Variants in CCDC149 observed in about 807,000 individuals in gnomAD.
CCDC149 encodes the protein coiled-coil domain containing 149.
In CCDC149, 45 loss-of-function variants were observed where a neutral mutation model predicts 59.9. The ratio of observed to expected loss-of-function variants is 0.75; its 90% CI spans 0.59 to 0.96. The LOEUF (loss-of-function observed/expected upper bound fraction) is 0.96. Among genes scored for constraint, CCDC149 ranks in the 40% least tolerant of loss-of-function variants. The pLI, the probability that CCDC149 is intolerant of heterozygous loss-of-function variation, is 0.00. For missense variants in CCDC149, 584 were observed against 664.7 expected (o/e 0.88, Z 1.33); for synonymous variants, 245 against 260.6 (o/e 0.94, Z 0.58).
chr4:24,823,902 T>G (rs1715562510), intron 9 of CCDC149, among the ~76,000 whole-genome samples: 1 of 152,244 alleles, frequency 6.6e-6, no homozygotes, highest in South Asian at 2.1e-4. Flanking sequence ...TCTCTTTTGC[T>G]TTCATGTCCC....
chr4:24,836,010 A>G (rs1431794886), intron 7 of CCDC149, among the ~76,000 whole-genome samples: 1 of 152,220 alleles, frequency 6.6e-6, no homozygotes, highest in Non-Finnish European at 1.5e-5. Context: ...TGCCTTCCCA[A>G]TCTTTGTTTC....
intron 1 of CCDC149, among the ~76,000 whole-genome samples, chr4:24,952,224 A>C (rs988503349): frequency 6.6e-6 from 1 of 152,130 alleles, no homozygotes; most frequent in Non-Finnish European, 1.5e-5. Context: ...TTGTTTATAC[A>C]TATGTGTATT....
intron 11 of CCDC149, among the ~76,000 whole-genome samples, chr4:24,820,579 A>G (rs1715329565): frequency 6.6e-6 from 1 of 152,234 alleles, no homozygotes; most frequent in Admixed American, 6.5e-5. Flanking sequence ...TTCACCATTC[A>G]GTAGTTTAAA....
chr4:24,829,993 G>C (rs1045201138), intron 9 of CCDC149: 1 of 152,952 alleles, frequency 6.5e-6, no homozygotes, highest in African/African-American at 2.4e-5. Flanking sequence ...TGAAGAGGGT[G>C]AGACAGGAGG....
At chr4:24,881,149 G>T (rs1263405988) in intron 1 of CCDC149, among the ~76,000 whole-genome samples, 2 of 152,162 alleles carry the variant, frequency 1.3e-5, no homozygotes, top group African/African-American at 4.8e-5. Context: ...CAGGGTGCTG[G>T]GACTGAAGCT....
At chr4:24,953,476 C>T (rs4411976) in intron 1 of CCDC149, among the ~76,000 whole-genome samples, 78,645 of 152,052 alleles carry the variant, frequency 0.52, 22,725 homozygotes, top group Non-Finnish European at 0.66. Context: ...AAAGTGACTG[C>T]GCATAGCCAG....
At chr4:24,887,807 TA>T (rs35092333) in intron 1 of CCDC149, among the ~76,000 whole-genome samples, 15,727 of 147,502 alleles carry the variant, frequency 0.11, 1,110 homozygotes, top group African/African-American at 0.2. Context: ...CACTCTTCTT[TA>T]AAAAAAAAAA....
In CCDC149 at chr4:24,822,504, A is replaced by C; in HGVS notation, c.1035T>G (p.Ser345Arg). The change falls in exon 10 of 13, where the codon AGT becomes AGG. Residue 345 changes from serine (S) to arginine (R), a missense_variant. Physicochemically the swap from Ser to Arg is moderately radical, Grantham distance 110. Transcript: ENST00000635206. ...TCATGAGGTTCTGTTTACCTGGAAG[A>C]CTCCACAAACCAGAAACTTCCAGAG... 6.6e-7 allele frequency: 1 copy of C among 1,524,686 alleles called. No individual in the cohort carries two copies. 94.4% of individuals were successfully genotyped at this position (1,524,686 alleles called of 1,614,324 possible).
chr4:24,873,650 A>T, intron 3 of CCDC149, 31 bp downstream of exon 3: 2 of 1,501,170 alleles, frequency 1.3e-6, no homozygotes, highest in Non-Finnish European at 1.9e-6. Flanking sequence ...AGGTATCAAT[A>T]AAAAAATCTG....
At chr4:24,943,631 C>T (rs1723015139) in intron 1 of CCDC149, among the ~76,000 whole-genome samples, 1 of 152,134 alleles carries the variant, frequency 6.6e-6, no homozygotes, top group East Asian at 1.9e-4. Context: ...GAACAGGCAA[C>T]CTACAGAATG....
intron 1 of CCDC149, among the ~76,000 whole-genome samples, chr4:24,955,997 G>C (rs1723453482): frequency 6.6e-6 from 1 of 152,122 alleles, no homozygotes; most frequent in African/African-American, 2.4e-5. Flanking sequence ...ATCTTTGCTT[G>C]AATCTTCATC....
At chr4:24,857,578 T>C (rs1379864189) in intron 3 of CCDC149, among the ~76,000 whole-genome samples, 1 of 149,136 alleles carries the variant, frequency 6.7e-6, no homozygotes, top group Non-Finnish European at 1.5e-5. Context: ...GAAGACACTT[T>C]ATAAAAATCA....
In CCDC149 at chr4:24,849,640, T is replaced by C. The variant is rs747411313; in HGVS notation, c.372+3432A>G. 1.2e-3 allele frequency among the ~76,000 whole-genome samples: 184 copies of C among 152,324 alleles called. 4 individuals are homozygous for C. The highest frequency in any genetic ancestry group is 1.3e-3 in the Non-Finnish European group (87 of 68,024). On this transcript the variant is annotated intron_variant, in intron 4 of 12. Transcript: ENST00000635206. The stretch of plus-strand genomic sequence containing the variant: ...GCCCATAGGGTTACAAGGCTCTAGC[T>C]GAACAAATGGAAAAATTAGTCTACC...
At chr4:24,923,483 GA>G (rs1270765544) in intron 1 of CCDC149, among the ~76,000 whole-genome samples, 1 of 151,642 alleles carries the variant, frequency 6.6e-6, no homozygotes, top group East Asian at 1.9e-4. Context: ...TGCTGTGAAA[GA>G]AAAAAAAGGT....
intron 1 of CCDC149, among the ~76,000 whole-genome samples, chr4:24,954,904 A>C (rs1041145550): frequency 6.6e-6 from 1 of 152,200 alleles, no homozygotes; most frequent in Non-Finnish European, 1.5e-5. Context: ...TTAATTATTT[A>C]CATGGTTAAA....
In CCDC149 at chr4:24,809,272, TCTC is replaced by T. The variant is rs201904966; in HGVS notation, c.1193-456_1193-454del. ...TCGGGAAGGATTTAGTGCCACCCCT[TCTC>T]CACGATTCTCCATCAGCATCTCATT... On this transcript the variant is annotated intron_variant, in intron 12 of 12. Transcript: ENST00000635206. 7.1e-3 allele frequency among the ~76,000 whole-genome samples: 1,075 copies of T among 152,250 alleles called. 60 individuals are homozygous for T. The highest frequency in any genetic ancestry group is 0.066 in the Admixed American group (1,005 of 15,290).
chr4:24,978,209 T>G (rs1724290733), intron 1 of CCDC149, among the ~76,000 whole-genome samples: 1 of 152,224 alleles, frequency 6.6e-6, no homozygotes, highest in Non-Finnish European at 1.5e-5. Flanking sequence ...TTACTGAGCA[T>G]GTAAAATGTG....
At position 24,912,957 on chromosome 4, in the gene CCDC149, G is replaced by T; in HGVS notation, c.-78C>A. On this transcript the variant is annotated 5_prime_UTR_variant, in exon 1 of 13. Coordinates refer to ENST00000635206, the MANE Select transcript of CCDC149 (RefSeq NM_001330643.2). The stretch of plus-strand genomic sequence containing the variant: ...GTCGCCGCCGCCGCCCGGGCCCCGC[G>T]CGGCCCCGAGAGGGCCCGGCGCCTC... 1.2e-6 allele frequency: 1 copy of T among 829,234 alleles called. No individual in the cohort carries two copies. The allele number at this position is 829,234 out of a possible 1,614,324, so 51.4% of individuals were successfully genotyped here.
chr4:24,900,204 C>T (rs1023557028), intron 1 of CCDC149, among the ~76,000 whole-genome samples: 1 of 152,198 alleles, frequency 6.6e-6, no homozygotes, highest in African/African-American at 2.4e-5. Flanking sequence ...AGGCTTTGCA[C>T]ATAGTAATGC....
Sources: gnomAD v4.1 joint callset for allele counts (sites outside exome capture counted in the v4.1 genomes callset) on GRCh38, gnomAD v4.1.1 for gene constraint, MANE v1.5 for transcripts, NCBI Gene and HGNC (gene_info 2026-07-23, HGNC 2026-07-21) for gene names.